Variants in MYO5B observed in about 807,000 individuals in gnomAD.
MYO5B encodes unconventional myosin-Vb.
In MYO5B, 143 loss-of-function variants were observed where a neutral mutation model predicts 229.3. That is an observed-to-expected ratio of 0.62 (90% confidence interval 0.54 to 0.72). The LOEUF (loss-of-function observed/expected upper bound fraction) is 0.72, where lower values mean the gene tolerates loss of function less well. Ranked by LOEUF, MYO5B falls within the 30% of genes least tolerant of loss-of-function variation. The probability of loss-of-function intolerance (pLI) is 0.00; values close to 1 mark genes in which losing one functional copy is unlikely to be tolerated. For missense variants in MYO5B, 2,321 were observed against 2,331.0 expected (o/e 1.00, Z 0.09); for synonymous variants, 918 against 885.2 (o/e 1.04, Z -0.66).
intron 1 of MYO5B, among the ~76,000 whole-genome samples, chr18:50,142,637 G>A (rs895215570): frequency 1.3e-5 from 2 of 152,162 alleles, no homozygotes; most frequent in African/African-American, 4.8e-5. Context: ...AGTTTCACTT[G>A]TCTGCCTTGC....
At chr18:49,925,481 G>A (rs1192022167) in intron 17 of MYO5B, among the ~76,000 whole-genome samples, 1 of 152,184 alleles carries the variant, frequency 6.6e-6, no homozygotes, top group Non-Finnish European at 1.5e-5. Context: ...ATGGGCCAAT[G>A]GTCATTCATA....
intron 14 of MYO5B, among the ~76,000 whole-genome samples, chr18:49,948,267 T>C (rs574221403): frequency 3.5e-5 from 1 of 28,584 alleles, no homozygotes; most frequent in Non-Finnish European, 6.3e-5. Context: ...GCTGTAAACA[T>C]AATAAACACA....
At chr18:50,082,935 C>T (rs903800419) in intron 1 of MYO5B, among the ~76,000 whole-genome samples, 2 of 152,168 alleles carry the variant, frequency 1.3e-5, no homozygotes, top group Admixed American at 1.3e-4. Flanking sequence ...TCAATTCTAA[C>T]ACTAACCACC....
At chr18:50,026,036 T>C (rs959704399) in intron 4 of MYO5B, among the ~76,000 whole-genome samples, 3 of 152,356 alleles carry the variant, frequency 2.0e-5, no homozygotes, top group Admixed American at 6.5e-5. Flanking sequence ...AAAGTTTTAA[T>C]ATTTTCTTCA....
intron 34 of MYO5B, 111 bp downstream of exon 34, chr18:49,843,130 G>A: frequency 7.3e-7 from 1 of 1,370,324 alleles, no homozygotes; most frequent in Non-Finnish European, 1.0e-6. Flanking sequence ...CTTCAAAGTT[G>A]GAGCCCTAGG....
intron 10 of MYO5B, among the ~76,000 whole-genome samples, chr18:49,973,333 G>A (rs961420062): frequency 3.3e-4 from 50 of 152,176 alleles, no homozygotes; most frequent in African/African-American, 1.2e-3. Context: ...CATGCCACGT[G>A]GGGAAGTGGC....
chr18:50,025,745 C>T (rs72913858), intron 4 of MYO5B, among the ~76,000 whole-genome samples: 2 of 152,126 alleles, frequency 1.3e-5, no homozygotes, highest in African/African-American at 4.8e-5. Context: ...ATCTTCACCC[C>T]ACTGTAAAGG....
At position 50,194,907 on chromosome 18, in the gene MYO5B, C is replaced by G. The variant is rs1478954839; in HGVS notation, c.-114G>C. On this transcript the variant is annotated 5_prime_UTR_variant, in exon 1 of 40. Transcript: ENST00000285039. ...GGCTGGCCTGGAGTTTCTCGATCTT[C>G]TCGCTCTTCTCCGACCTGCCCCGCC... The G allele has an allele frequency of 2.5e-5, 30 of 1,207,734 alleles. No individual in the cohort carries two copies. The highest frequency in any genetic ancestry group is 4.4e-5 in the Admixed American group (1 of 22,788). The allele number at this position is 1,207,734 out of a possible 1,614,324, so 74.8% of individuals were successfully genotyped here.
rs1317588812 is a variant in MYO5B, at chr18:49,866,420, GT to G, written c.3604-2041del. On this transcript the variant is annotated intron_variant, in intron 27 of 39. Coordinates refer to ENST00000285039, the MANE Select transcript of MYO5B (RefSeq NM_001080467.3). Reference sequence around the variant, plus strand: ...GTTCAGTGACATTAAGTCCATTTATGTTGTGCAACCATCCCCACCATCCATC... The same window carrying G: ...GTTCAGTGACATTAAGTCCATTTATGTGTGCAACCATCCCCACCATCCATC... Among the ~76,000 whole-genome samples, 5 of 152,244 alleles carry G rather than the reference GT, an allele frequency of 3.3e-5. No homozygotes were observed. The East Asian group carries it at 7.7e-4, about 24-fold the overall frequency.
intron 18 of MYO5B, among the ~76,000 whole-genome samples, chr18:49,907,568 T>C (rs1253935983): frequency 6.6e-6 from 1 of 152,166 alleles, no homozygotes; most frequent in Non-Finnish European, 1.5e-5. Flanking sequence ...CTCACTGGCA[T>C]GAAGACCATA....
intron 27 of MYO5B, among the ~76,000 whole-genome samples, chr18:49,868,484 A>G (rs2024422218): frequency 6.6e-6 from 1 of 152,222 alleles, no homozygotes; most frequent in African/African-American, 2.4e-5. Context: ...GTCAGTGGGT[A>G]CCATCTCCTG....
intron 36 of MYO5B, 34 bp from the exon 37 acceptor site, chr18:49,837,836 T>A (rs2024008931): frequency 6.2e-7 from 1 of 1,611,708 alleles, no homozygotes; most frequent in African/African-American, 1.3e-5. Context: ...AAGCTTGCAT[T>A]CCCCACTAAC....
chr18:50,046,820 C>G (rs149841258), intron 2 of MYO5B, among the ~76,000 whole-genome samples: 1,814 of 151,262 alleles, frequency 0.012, 30 homozygotes, highest in African/African-American at 0.042. Context: ...ACAAACCTGA[C>G]AAAAACAAGC....
At chr18:49,878,825 GCA>G (rs1210176976) in intron 24 of MYO5B, 118 bp downstream of exon 24, 3 of 1,220,194 alleles carry the variant, frequency 2.5e-6, no homozygotes, top group Admixed American at 3.6e-5. Context: ...GGCAAGTGCT[GCA>G]CATATGACAC....
intron 1 of MYO5B, among the ~76,000 whole-genome samples, chr18:50,112,680 T>A (rs1012519659): frequency 6.6e-6 from 1 of 152,210 alleles, no homozygotes; most frequent in African/African-American, 2.4e-5. Flanking sequence ...AGTCACTCCC[T>A]ACTGGACTGA....
intron 1 of MYO5B, among the ~76,000 whole-genome samples, chr18:50,079,021 GC>G (rs1416658397): frequency 6.6e-6 from 1 of 152,164 alleles, no homozygotes; most frequent in Non-Finnish European, 1.5e-5. Context: ...TCAAAAACAG[GC>G]AAAGGTAAAC....
chr18:49,846,301 C>T (rs2024125221), intron 33 of MYO5B, among the ~76,000 whole-genome samples: 1 of 152,182 alleles, frequency 6.6e-6, no homozygotes, highest in South Asian at 2.1e-4. Flanking sequence ...GGAGGCCTGG[C>T]ACGGAGCCCG....
intron 14 of MYO5B, among the ~76,000 whole-genome samples, chr18:49,939,282 A>T (rs1489094360): frequency 6.6e-6 from 1 of 150,894 alleles, no homozygotes; most frequent in Non-Finnish European, 1.5e-5. Context: ...AGTAGCTGGG[A>T]CTGCAGGCGT....
chr18:49,868,138 A>G (rs1391393636), intron 27 of MYO5B, among the ~76,000 whole-genome samples: 1 of 152,174 alleles, frequency 6.6e-6, no homozygotes, highest in Non-Finnish European at 1.5e-5. Context: ...ATATGCATAT[A>G]AAAAGCATTA....
Sources: allele counts gnomAD v4.1 joint callset (sites outside exome capture counted in the v4.1 genomes callset), GRCh38; gene constraint gnomAD v4.1.1; transcripts MANE v1.5; gene names NCBI Gene and HGNC (gene_info 2026-07-23, HGNC 2026-07-21).